The following JARID2 variants were observed in gnomAD, a reference collection of about 807,000 sequenced individuals.
JARID2 encodes jumonji and AT-rich interaction domain containing 2.
Under a neutral mutation model 125.6 loss-of-function variants are expected in JARID2, and 21 were observed. The ratio of observed to expected loss-of-function variants is 0.17; its 90% CI spans 0.12 to 0.24. The LOEUF is 0.24. Ranked by LOEUF, JARID2 falls within the 10% of genes least tolerant of loss-of-function variation. The probability of loss-of-function intolerance (pLI) is 1.00; values close to 1 mark genes in which losing one functional copy is unlikely to be tolerated. For missense variants in JARID2, 1,303 were observed against 1,639.6 expected (o/e 0.79, Z 3.55); for synonymous variants, 736 against 661.6 (o/e 1.11, Z -1.73).
intron 1 of JARID2, among the ~76,000 whole-genome samples, chr6:15,263,924 G>A (rs933216085): frequency 1.3e-5 from 2 of 152,062 alleles, no homozygotes; most frequent in Non-Finnish European, 2.9e-5. Context: ...ACAGGGTGTC[G>A]CTGTGTTACC....
At chr6:15,493,484 G>A (rs760867149) in intron 6 of JARID2, among the ~76,000 whole-genome samples, 31 of 152,168 alleles carry the variant, frequency 2.0e-4, no homozygotes, top group Non-Finnish European at 3.5e-4. Flanking sequence ...ATACGAAGCC[G>A]CACTGTGTCC....
chr6:15,385,987 C>T (rs548785508), intron 2 of JARID2, among the ~76,000 whole-genome samples: 6 of 152,134 alleles, frequency 3.9e-5, no homozygotes, highest in African/African-American at 7.2e-5. Context: ...CCACATTCAT[C>T]GCATCCCTGT....
chr6:15,312,677 T>A (rs1762054724), intron 1 of JARID2, among the ~76,000 whole-genome samples: 1 of 152,222 alleles, frequency 6.6e-6, no homozygotes, highest in African/African-American at 2.4e-5. Context: ...CTTCCTGTTA[T>A]GGTTCAGTAG....
At chr6:15,260,855 T>C (rs1400844910) in intron 1 of JARID2, among the ~76,000 whole-genome samples, 13 of 152,236 alleles carry the variant, frequency 8.5e-5, no homozygotes, top group African/African-American at 3.1e-4. Context: ...AATGTACTCC[T>C]TGCTCTAATT....
intron 4 of JARID2, among the ~76,000 whole-genome samples, chr6:15,458,069 A>G (rs1030455896): frequency 6.6e-6 from 1 of 152,160 alleles, no homozygotes; most frequent in Non-Finnish European, 1.5e-5. Flanking sequence ...CATAATTAGT[A>G]TCTTTCACTG....
At chr6:15,426,720 T>G (rs1048667024) in intron 3 of JARID2, among the ~76,000 whole-genome samples, 7 of 152,198 alleles carry the variant, frequency 4.6e-5, no homozygotes, top group African/African-American at 1.7e-4. Flanking sequence ...ACCCCAATCT[T>G]GCTTGCTTGC....
intron 3 of JARID2, among the ~76,000 whole-genome samples, chr6:15,429,069 T>G (rs1207102001): frequency 6.6e-6 from 1 of 152,064 alleles, no homozygotes; most frequent in Non-Finnish European, 1.5e-5. Context: ...TGCCTGTGTT[T>G]GGGTGGGGCG....
chr6:15,314,640 G>C (rs1027403486), intron 1 of JARID2, among the ~76,000 whole-genome samples: 3 of 152,182 alleles, frequency 2.0e-5, no homozygotes, highest in African/African-American at 7.2e-5. Flanking sequence ...TGGAGATACA[G>C]TTGAGGCCTC....
At chr6:15,324,974 C>G (rs1256979194) in intron 1 of JARID2, among the ~76,000 whole-genome samples, 2 of 152,030 alleles carry the variant, frequency 1.3e-5, no homozygotes, top group Non-Finnish European at 1.5e-5. Flanking sequence ...TGCACTCAAG[C>G]CTGCCTAAAT....
chr6:15,367,637 C>T (rs1456003682), intron 1 of JARID2, among the ~76,000 whole-genome samples: 1 of 152,216 alleles, frequency 6.6e-6, no homozygotes, highest in Admixed American at 6.5e-5. Context: ...CTCTGGAATT[C>T]ATCTCTAGAA....
intron 1 of JARID2, among the ~76,000 whole-genome samples, chr6:15,345,273 A>G (rs1763206355): frequency 6.6e-6 from 1 of 152,200 alleles, no homozygotes; most frequent in African/African-American, 2.4e-5. Flanking sequence ...TTAAGCAGGG[A>G]TGTGTACCTG....
intron 5 of JARID2, among the ~76,000 whole-genome samples, chr6:15,481,698 AT>A (rs1769625209): frequency 6.6e-6 from 1 of 152,202 alleles, no homozygotes; most frequent in Non-Finnish European, 1.5e-5. Flanking sequence ...ATTTGGGTAT[AT>A]CGCTGCTCTA....
rs753721185 is a variant in JARID2 at position 15,468,696 on chromosome 6, C to A, written c.648C>A (p.His216Gln). Reference sequence around the variant, plus strand: ...CGACCCCCAGGAAAGGAAAAACCCACAAACATGTTCACAACGGGCATGGTA... The same window carrying A: ...CGACCCCCAGGAAAGGAAAAACCCAAAAACATGTTCACAACGGGCATGGTA... ...CQSTPRKGKT[H>Q]KHVHNGHVFN... The change falls in exon 5 of 18, where the codon CAC becomes CAA. Residue 216 changes from histidine (H) to glutamine (Q), a missense_variant. His to Gln is a conservative substitution (Grantham distance 24, BLOSUM62 0). Transcript: ENST00000341776. 1 of 1,613,238 alleles carries A rather than the reference C, an allele frequency of 6.2e-7. No individual in the cohort carries two copies. The highest frequency in any genetic ancestry group is 1.1e-5 in the South Asian group (1 of 91,032).
At chr6:15,398,294 C>T (rs1322621673) in intron 2 of JARID2, among the ~76,000 whole-genome samples, 1 of 152,184 alleles carries the variant, frequency 6.6e-6, no homozygotes, top group Admixed American at 6.5e-5. Context: ...TCTGATATTT[C>T]ACTGTTGAAA....
intron 1 of JARID2, among the ~76,000 whole-genome samples, chr6:15,278,889 C>T (rs35500004): frequency 0.021 from 3,267 of 152,086 alleles, 69 homozygotes; most frequent in Non-Finnish European, 0.027. Flanking sequence ...GCCAACAAGG[C>T]GAAACCCTGT....
chr6:15,503,162 G>A (rs1056536457), intron 8 of JARID2, among the ~76,000 whole-genome samples: 1 of 152,192 alleles, frequency 6.6e-6, no homozygotes, highest in African/African-American at 2.4e-5. Context: ...GTGTGCCCAC[G>A]GGTAGGGACC....
intron 5 of JARID2, among the ~76,000 whole-genome samples, chr6:15,476,546 C>T (rs1769351082): frequency 6.6e-6 from 1 of 152,212 alleles, no homozygotes; most frequent in Non-Finnish European, 1.5e-5. Flanking sequence ...CTAATGTGCT[C>T]ATTTGTAATC....
At chr6:15,277,849 GA>G in intron 1 of JARID2, among the ~76,000 whole-genome samples, 1 of 148,776 alleles carries the variant, frequency 6.7e-6, no homozygotes, top group East Asian at 2.0e-4. Context: ...AGTTGGCAAA[GA>G]AAGATGGATA....
chr6:15,332,930 CTTT>C (rs1319288795), intron 1 of JARID2, among the ~76,000 whole-genome samples: 69 of 82,820 alleles, frequency 8.3e-4, no homozygotes, highest in African/African-American at 2.5e-3. Flanking sequence ...CTTTTCTTTT[CTTT>C]TCTTTTTTTT....
Sources: gnomAD v4.1 joint callset for allele counts (sites outside exome capture counted in the v4.1 genomes callset) on GRCh38, gnomAD v4.1.1 for gene constraint, MANE v1.5 for transcripts, NCBI Gene and HGNC (gene_info 2026-07-23, HGNC 2026-07-21) for gene names.